The following PLD5 variants were observed in gnomAD, a reference collection of about 807,000 sequenced individuals.
The protein encoded by PLD5 is phospholipase D family member 5.
A neutral mutation model predicts 61.1 loss-of-function variants in PLD5; 36 were observed. The observed-to-expected ratio is 0.59, with a 90% confidence interval of 0.45 to 0.78. The LOEUF is 0.78. PLD5 is among the 30% of genes least tolerant of loss of function. The pLI is 0.00. For missense variants in PLD5, 515 were observed against 644.4 expected, an observed-to-expected ratio of 0.80 and a Z score of 2.17; for synonymous variants, 243 against 242.8, an observed-to-expected ratio of 1.00 and a Z score of -0.01.
At chr1:242,394,092 G>GTATATATGAGTATATATATGAGTA (rs1558525155) in intron 1 of PLD5, among the ~76,000 whole-genome samples, 2 of 80,276 alleles carry the variant, frequency 2.5e-5, no homozygotes, top group East Asian at 4.5e-4. Context: ...GTATATATAT[G>GTATATATGAGTATATATATGAGTA]TATATATGTG....
At chr1:242,493,290 A>T (rs933242989) in intron 1 of PLD5, among the ~76,000 whole-genome samples, 1 of 152,118 alleles carries the variant, frequency 6.6e-6, no homozygotes, top group African/African-American at 2.4e-5. Context: ...AAAAAGAAAA[A>T]ACTGGGAAAC....
chr1:242,446,246 AAAAAT>A (rs1191648363), intron 1 of PLD5, among the ~76,000 whole-genome samples: 5 of 151,072 alleles, frequency 3.3e-5, no homozygotes, highest in Non-Finnish European at 7.4e-5. Flanking sequence ...ATAAAATAAT[AAAAAT>A]AAAATAAAAT....
chr1:242,122,014 C>A (rs184636444), intron 6 of PLD5, among the ~76,000 whole-genome samples: 4 of 152,206 alleles, frequency 2.6e-5, no homozygotes, highest in South Asian at 2.1e-4. Context: ...GGGTGCAGCA[C>A]ACCAACATGG....
At chr1:242,457,349 C>T (rs1010065906) in intron 1 of PLD5, among the ~76,000 whole-genome samples, 1 of 152,206 alleles carries the variant, frequency 6.6e-6, no homozygotes, top group African/African-American at 2.4e-5. Context: ...TACAACTAAA[C>T]TGGCATTGCT....
At chr1:242,521,934 A>G (rs150152585) in intron 1 of PLD5, among the ~76,000 whole-genome samples, 60 of 152,116 alleles carry the variant, frequency 3.9e-4, no homozygotes, top group African/African-American at 1.4e-3. Context: ...TGCATTCAAC[A>G]TGACGTATAT....
In PLD5 at chr1:242,086,120, C is replaced by T. The variant is rs1052187567; in HGVS notation, c.*3734G>A. ...TTAACTGCATTTCAAAAAAAATCCC[C>T]CACATTTTTCAAAGGGTGAGATCAA... On this transcript the variant is annotated 3_prime_UTR_variant, in exon 10 of 10. Coordinates refer to ENST00000536534, the MANE Select transcript of PLD5 (RefSeq NM_001372062.1). The T allele has an allele frequency of 2.0e-5, 3 of 152,128 alleles. No individual in the cohort carries two copies. The highest frequency in any genetic ancestry group is 7.2e-5 in the African/African-American group (3 of 41,406). The allele number at this position is 152,128 out of a possible 1,614,324, so 9.4% of individuals were successfully genotyped here. A position where few individuals can be genotyped will look rare whatever the true frequency, so the allele number is the denominator to read the frequency against.
chr1:242,519,013 A>G (rs1669193901), intron 1 of PLD5, among the ~76,000 whole-genome samples: 1 of 152,206 alleles, frequency 6.6e-6, no homozygotes, highest in East Asian at 1.9e-4. Context: ...GCCTCCAACT[A>G]TAGCTTGTCT....
At chr1:242,511,470 G>T (rs1668905956) in intron 1 of PLD5, among the ~76,000 whole-genome samples, 1 of 152,054 alleles carries the variant, frequency 6.6e-6, no homozygotes, top group Admixed American at 6.6e-5. Flanking sequence ...AAACAATAAA[G>T]ATGAGCATCA....
chr1:242,234,012 C>T (rs2149043385), intron 4 of PLD5, among the ~76,000 whole-genome samples: 1 of 152,180 alleles, frequency 6.6e-6, no homozygotes, highest in South Asian at 2.1e-4. Context: ...AAATTAATAA[C>T]AAAAGGAAAA....
intron 1 of PLD5, among the ~76,000 whole-genome samples, chr1:242,421,054 C>CACCA (rs1665112374): frequency 6.6e-6 from 1 of 151,546 alleles, no homozygotes; most frequent in African/African-American, 2.4e-5. Flanking sequence ...GTGGCACGCG[C>CACCA]CTGTAGTCCC....
chr1:242,270,475 A>G (rs1673992660), intron 3 of PLD5, among the ~76,000 whole-genome samples: 1 of 152,196 alleles, frequency 6.6e-6, no homozygotes, highest in African/African-American at 2.4e-5. Context: ...TCCTGATGCA[A>G]CACAGTTCTC....
At chr1:242,423,556 C>T (rs1572121302) in intron 1 of PLD5, among the ~76,000 whole-genome samples, 1 of 152,226 alleles carries the variant, frequency 6.6e-6, no homozygotes, top group East Asian at 1.9e-4. Context: ...TAGCCAGGCA[C>T]AGTGAAGCGC....
chr1:242,278,857 G>A (rs1674557732), intron 3 of PLD5, among the ~76,000 whole-genome samples: 1 of 152,186 alleles, frequency 6.6e-6, no homozygotes, highest in East Asian at 1.9e-4. Flanking sequence ...TAACAAATAA[G>A]CATTTGCTGA....
intron 2 of PLD5, among the ~76,000 whole-genome samples, chr1:242,328,503 GTATGTGTTCTACATATT>G (rs1283978028): frequency 6.6e-6 from 1 of 152,010 alleles, no homozygotes; most frequent in Non-Finnish European, 1.5e-5. Flanking sequence ...TTCTACATAT[GTATGTGTTCTACATATT>G]TATGTGTTCT....
intron 5 of PLD5, among the ~76,000 whole-genome samples, chr1:242,175,290 G>A (rs918121499): frequency 5.3e-5 from 8 of 152,174 alleles, no homozygotes; most frequent in Middle Eastern, 3.2e-3. Flanking sequence ...TGCATGGCTG[G>A]TTCAACATAT....
intron 1 of PLD5, among the ~76,000 whole-genome samples, chr1:242,457,514 G>A (rs981509419): frequency 6.6e-6 from 1 of 152,164 alleles, no homozygotes; most frequent in South Asian, 2.1e-4. Context: ...TGGGGAAGAG[G>A]TTATGCTTGT....
intron 2 of PLD5, among the ~76,000 whole-genome samples, chr1:242,316,464 T>C (rs1458485149): frequency 6.6e-6 from 1 of 152,190 alleles, no homozygotes; most frequent in Admixed American, 6.5e-5. Flanking sequence ...GAGATGGTTA[T>C]ACGAGATATT....
intron 1 of PLD5, among the ~76,000 whole-genome samples, chr1:242,400,775 C>CAT (rs1663887665): frequency 1.3e-5 from 2 of 152,024 alleles, no homozygotes; most frequent in African/African-American, 2.4e-5. Context: ...TGCCCATGTG[C>CAT]ATAAGCTTTC....
chr1:242,207,991 T>TACAC (rs34110062), intron 5 of PLD5, among the ~76,000 whole-genome samples: 4,832 of 40,238 alleles, frequency 0.12, 1,414 homozygotes, highest in Non-Finnish European at 0.13. Context: ...TATATATTTA[T>TACAC]ACACACACAC....
Sources: allele counts gnomAD v4.1 joint callset (sites outside exome capture counted in the v4.1 genomes callset), GRCh38; gene constraint gnomAD v4.1.1; transcripts MANE v1.5; gene names NCBI Gene and HGNC (gene_info 2026-07-23, HGNC 2026-07-21).